Variants in ARHGAP25 observed in about 807,000 individuals in gnomAD.
The protein encoded by ARHGAP25 is rho GTPase-activating protein 25.
ARHGAP25 carries 34 observed loss-of-function variants against 71.0 expected under a neutral mutation model. The ratio of observed to expected loss-of-function variants is 0.48; its 90% CI spans 0.36 to 0.64. The LOEUF (loss-of-function observed/expected upper bound fraction) is 0.64, where lower values mean the gene tolerates loss of function less well. ARHGAP25 is among the 30% of genes least tolerant of loss of function. ARHGAP25 has a pLI of 0.00. For synonymous variants in ARHGAP25, 282 were observed against 296.5 expected, an observed-to-expected ratio of 0.95 and a Z score of 0.50; for missense variants, 706 against 805.1, an observed-to-expected ratio of 0.88 and a Z score of 1.49.
At chr2:68,778,376 T>A (rs760579230) in intron 2 of ARHGAP25, among the ~76,000 whole-genome samples, 4 of 152,008 alleles carry the variant, frequency 2.6e-5, no homozygotes, top group Non-Finnish European at 4.4e-5. Flanking sequence ...AAAGCATGAA[T>A]CTGTATTTAT....
intron 2 of ARHGAP25, among the ~76,000 whole-genome samples, chr2:68,711,025 A>C (rs1412308717): frequency 6.6e-6 from 1 of 152,154 alleles, no homozygotes; most frequent in African/African-American, 2.4e-5. Context: ...TCAAACTTGA[A>C]CTTGGCCTTT....
intron 1 of ARHGAP25, among the ~76,000 whole-genome samples, chr2:68,751,222 C>G (rs910176310): frequency 6.6e-6 from 1 of 152,194 alleles, no homozygotes; most frequent in African/African-American, 2.4e-5. Flanking sequence ...ACTCACCCAG[C>G]CAATGGGGGG....
chr2:68,821,421 A>C (rs1243521892), intron 9 of ARHGAP25, among the ~76,000 whole-genome samples: 1 of 152,060 alleles, frequency 6.6e-6, no homozygotes, highest in East Asian at 1.9e-4. Context: ...CATACTACAA[A>C]AGAAGCTGCA....
At chr2:68,773,669 G>A (rs921712284) in intron 1 of ARHGAP25, among the ~76,000 whole-genome samples, 1 of 152,160 alleles carries the variant, frequency 6.6e-6, no homozygotes, top group African/African-American at 2.4e-5. Flanking sequence ...AATCAATGAG[G>A]AGATGTTGGC....
At chr2:68,757,466 G>A (rs11897544) in intron 1 of ARHGAP25, among the ~76,000 whole-genome samples, 13,695 of 152,176 alleles carry the variant, frequency 0.09, 706 homozygotes, top group Non-Finnish European at 0.11. Context: ...CAAATTTATC[G>A]TCAGAAACTT....
At chr2:68,749,725 C>A (rs553856167) in intron 1 of ARHGAP25, among the ~76,000 whole-genome samples, 1 of 152,266 alleles carries the variant, frequency 6.6e-6, no homozygotes, top group East Asian at 1.9e-4. Context: ...GCTCAGGTTC[C>A]ACTCCAGAGA....
intron 6 of ARHGAP25, 116 bp downstream of exon 6, chr2:68,813,535 A>G (rs1487167925): frequency 4.2e-6 from 5 of 1,179,144 alleles, no homozygotes; most frequent in Non-Finnish European, 5.8e-6. Flanking sequence ...AGATAGTCAA[A>G]TGCAACTTCC....
chr2:68,801,583 G>A (rs1308414959), intron 4 of ARHGAP25, among the ~76,000 whole-genome samples: 1 of 152,176 alleles, frequency 6.6e-6, no homozygotes, highest in Non-Finnish European at 1.5e-5. Flanking sequence ...GAAGTACTGA[G>A]TAGAGAAAAG....
chr2:68,759,879 C>T (rs997060125), intron 1 of ARHGAP25, among the ~76,000 whole-genome samples: 7 of 152,120 alleles, frequency 4.6e-5, no homozygotes, highest in African/African-American at 1.7e-4. Context: ...AGCCAGACAA[C>T]ATTACAAGAA....
At position 68,813,406 on chromosome 2, in the gene ARHGAP25, C is replaced by T. The variant is rs1481204393; in HGVS notation, c.794C>T (p.Ala265Val). ...GFLLCGQLTN[A>V]DEAKAQQELM... Reference sequence around the variant, plus strand: ...CTGCTCTGTGGGCAGCTCACGAATGCGGATGAGGCAAAGGTTTGCATCTTA... The same window carrying T: ...CTGCTCTGTGGGCAGCTCACGAATGTGGATGAGGCAAAGGTTTGCATCTTA... Residue 265 changes from alanine to valine, a missense_variant, in exon 6 of 11, where the codon GCG becomes GTG. Transcript: ENST00000409202. 6.2e-6 allele frequency: 10 copies of T among 1,611,992 alleles called. No individual in the cohort carries two copies. Among genetic ancestry groups the T allele is most frequent in the African/African-American group, 1.3e-5 (1 of 74,684 alleles).
chr2:68,735,280 G>A lies in ARHGAP25; in HGVS notation c.61+20G>A, dbSNP rs61062182. ...AAATAGGTATGGTTGGTGTCTTTTC[G>A]TTGCCTCTGTGATTCTTACGTATAC... On this transcript the variant is annotated intron_variant, in intron 1 of 10. Transcript: ENST00000409202. The A allele has an allele frequency of 4.2e-3, 6,711 of 1,611,648 alleles. 243 individuals carry two copies. In the African/African-American group the frequency reaches 0.082, roughly 20 times the overall value.
At chr2:68,745,538 C>T (rs1402214573) in intron 1 of ARHGAP25, among the ~76,000 whole-genome samples, 1 of 152,184 alleles carries the variant, frequency 6.6e-6, no homozygotes, top group African/African-American at 2.4e-5. Flanking sequence ...ACCCCTAACC[C>T]TATTTAAACC....
At chr2:68,816,646 G>C in intron 7 of ARHGAP25, 1 of 320,206 alleles carries the variant, frequency 3.1e-6, no homozygotes, top group Non-Finnish European at 5.9e-6. Context: ...AATGTTTCTA[G>C]AATGATCTCC....
chr2:68,775,120 CG>C, intron 1 of ARHGAP25, 100 bp from the exon 2 acceptor site: 1 of 1,599,566 alleles, frequency 6.3e-7, no homozygotes, highest in Non-Finnish European at 8.5e-7. Context: ...GTCGTCCCCC[CG>C]CTTCTCAGCC....
intron 2 of ARHGAP25, among the ~76,000 whole-genome samples, chr2:68,778,432 A>C (rs1477492060): frequency 6.6e-6 from 1 of 152,246 alleles, no homozygotes; most frequent in Non-Finnish European, 1.5e-5. Flanking sequence ...AACCGTGGTT[A>C]TCTCTGAATA....
chr2:68,823,988 GTGGGCTCTTAGATTTA>G (rs1263077229), intron 10 of ARHGAP25, among the ~76,000 whole-genome samples: 1 of 152,128 alleles, frequency 6.6e-6, no homozygotes, highest in Non-Finnish European at 1.5e-5. Flanking sequence ...ATGTGAATTC[GTGGGCTCTTAGATTTA>G]TGGCTACGTC....
At chr2:68,721,681 C>T (rs1157670631) in intron 2 of ARHGAP25, among the ~76,000 whole-genome samples, 1 of 152,226 alleles carries the variant, frequency 6.6e-6, no homozygotes, top group Non-Finnish European at 1.5e-5. Context: ...CAGCACCCTG[C>T]TGAGCATCTC....
chr2:68,764,061 C>A (rs1394660171), intron 1 of ARHGAP25, among the ~76,000 whole-genome samples: 1 of 152,186 alleles, frequency 6.6e-6, no homozygotes, highest in Non-Finnish European at 1.5e-5. Flanking sequence ...TCAGTCCTGG[C>A]AACCACTGTC....
intron 2 of ARHGAP25, among the ~76,000 whole-genome samples, chr2:68,721,596 G>T (rs534995012): frequency 3.0e-4 from 46 of 152,318 alleles, no homozygotes; most frequent in African/African-American, 1.1e-3. Context: ...GGTGTTCTAC[G>T]TGTAATCACT....
Sources: gnomAD v4.1 joint callset for allele counts (sites outside exome capture counted in the v4.1 genomes callset) on GRCh38, gnomAD v4.1.1 for gene constraint, MANE v1.5 for transcripts, NCBI Gene and HGNC (gene_info 2026-07-23, HGNC 2026-07-21) for gene names.